GRAMD1A: variants seen among roughly 807,000 people sequenced by gnomAD.
The protein encoded by GRAMD1A is GRAM domain containing 1A, also known as protein Aster-A.
In GRAMD1A, 50 loss-of-function variants were observed where a neutral mutation model predicts 92.0. That is an observed-to-expected ratio of 0.54 (90% CI 0.43 to 0.69). The LOEUF is 0.69. GRAMD1A is among the 30% of genes least tolerant of loss of function. The probability of loss-of-function intolerance (pLI) is 0.00; values close to 1 mark genes in which losing one functional copy is unlikely to be tolerated. For synonymous variants in GRAMD1A, 405 were observed against 403.6 expected (o/e 1.00, Z -0.04); for missense variants, 819 against 978.9 (o/e 0.84, Z 2.18).
At position 35,000,580 on chromosome 19, in the gene GRAMD1A, G is replaced by A; in HGVS notation, c.8+94G>A. 2 of 944,614 alleles carry A rather than the reference G, an allele frequency of 2.1e-6. No individual in the cohort carries two copies. The highest frequency in any genetic ancestry group is 4.4e-5 in the South Asian group (1 of 22,768). The allele number at this position is 944,614 out of a possible 1,614,324, so 58.5% of individuals were successfully genotyped here. The stretch of plus-strand genomic sequence containing the variant: ...GCGGGCTTGGGGAGGGGGCGGAGCG[G>A]CCGCTGCAGAGGTCGGGGGCCTCTG... On this transcript the variant is annotated intron_variant, in intron 1 of 19. Transcript: ENST00000317991. The surrounding 1 kb of genome is among the most constrained non-coding windows in gnomAD (Gnocchi z 4.9).
At position 35,021,926 on chromosome 19, in the gene GRAMD1A, C is replaced by T. The variant is rs368284286; in HGVS notation, c.1754-25C>T. 23 of 1,612,954 alleles carry T rather than the reference C, an allele frequency of 1.4e-5. No homozygotes were observed. In the African/African-American group the frequency reaches 2.9e-4, roughly 21 times the overall value. Reference sequence around the variant, plus strand: ...GATCGGGGGTCCTGGACTGGGCCATCTGACTCCAAGCTGCTCTCCTGCAGG... The same window carrying T: ...GATCGGGGGTCCTGGACTGGGCCATTTGACTCCAAGCTGCTCTCCTGCAGG... On this transcript the variant is annotated intron_variant, in intron 15 of 19. Transcript: ENST00000317991. This position sits in a 1 kb window ranked among gnomAD's most constrained non-coding sequence, Gnocchi z 5.3.
intron 10 of GRAMD1A, chr19:35,015,022 G>A (rs926344872): frequency 6.4e-6 from 1 of 155,288 alleles, no homozygotes; most frequent in African/African-American, 2.4e-5. Flanking sequence ...TTAAAAATTA[G>A]CCAGGCATGG....
rs117720740 is a variant in GRAMD1A, at chr19:35,020,955, G to A, written c.1476-547G>A. Among the ~76,000 whole-genome samples the A allele has an allele frequency of 7.5e-3, 1,140 of 152,338 alleles. 7 individuals are homozygous for A. The highest frequency in any genetic ancestry group is 0.015 in the Admixed American group (227 of 15,294). ...AGAGTTTAGATTCTGGAGAGATTTT[G>A]CAGGTTTAGCTGACAGGATTTGCTG... On this transcript the variant is annotated intron_variant, in intron 13 of 19. Transcript: ENST00000317991.
At chr19:35,009,664 C>G (rs2015077892) in intron 3 of GRAMD1A, 1 of 640,282 alleles carries the variant, frequency 1.6e-6, no homozygotes, top group South Asian at 1.8e-5. Flanking sequence ...CCTTACAAGG[C>G]TGAAGGGAAC....
rs771113412 is a variant in GRAMD1A, at chr19:35,023,552, G to A, written c.2082+5G>A. On this transcript the variant is annotated splice_donor_5th_base_variant and intron_variant, in intron 19 of 19. Transcript: ENST00000317991. ...TCCGTGGAGCTCCTGGATGAGGTAG[G>A]AGGCGCCGCTCGGGCAGGGCTCGGG... The A allele has an allele frequency of 6.4e-6, 10 of 1,569,942 alleles. No homozygotes were observed. The highest frequency in any genetic ancestry group is 8.6e-6 in the Non-Finnish European group (10 of 1,162,492).
At chr19:34,995,944 G>A, upstream of GRAMD1A, 3 of 1,268,854 alleles carry the variant, frequency 2.4e-6, no homozygotes, top group Non-Finnish European at 3.2e-6. Flanking sequence ...AAGGTGGTAA[G>A]GGGGCTTAAG....
chr19:35,010,220 C>A, intron 5 of GRAMD1A, 25 bp downstream of exon 5: 1 of 1,596,900 alleles, frequency 6.3e-7, no homozygotes, highest in Non-Finnish European at 8.6e-7. Context: ...GGGCAGGGTA[C>A]AGGGGCGGGG....
rs1287711250 is a variant in GRAMD1A at position 35,013,096 on chromosome 19, G to A, written c.607-160G>A. 3.4e-6 allele frequency: 2 copies of A among 582,484 alleles called. No individual in the cohort carries two copies. Among genetic ancestry groups the A allele is most frequent in the Non-Finnish European group, 6.2e-6 (2 of 322,822 alleles). 36.1% of individuals were successfully genotyped at this position (582,484 alleles called of 1,614,324 possible). A position where few individuals can be genotyped will look rare whatever the true frequency, so the allele number is the denominator to read the frequency against. On this transcript the variant is annotated intron_variant, in intron 7 of 19. Coordinates refer to ENST00000317991, the MANE Select transcript of GRAMD1A (RefSeq NM_020895.5). This position sits in a 1 kb window ranked among gnomAD's most constrained non-coding sequence, Gnocchi z 4.9. Reference sequence around the variant, plus strand: ...CAGGCCCTGGAGGGGCTGTAGCAGGGGATTCCCCGCTTGCTGAGGCCAGGT... The same window carrying A: ...CAGGCCCTGGAGGGGCTGTAGCAGGAGATTCCCCGCTTGCTGAGGCCAGGT...
Position 35,026,251 on chromosome 19 carries a change from G to T in GRAMD1A, c.*110G>T, listed in dbSNP as rs562299381. ...CAGGCATCTCCCACCCGCCCCTCCC[G>T]ACGGCCCAACCAGGGGCTGTGCAGA... On this transcript the variant is annotated 3_prime_UTR_variant, in exon 20 of 20. Coordinates refer to ENST00000317991, the MANE Select transcript of GRAMD1A (RefSeq NM_020895.5). 4.0e-5 allele frequency: 26 copies of T among 651,802 alleles called. No homozygotes were observed. In the African/African-American group the frequency reaches 4.7e-4, roughly 12 times the overall value. 40.4% of individuals were successfully genotyped at this position (651,802 alleles called of 1,614,324 possible).
upstream of GRAMD1A, among the ~76,000 whole-genome samples, chr19:34,996,808 A>G (rs1024246852): frequency 1.3e-5 from 2 of 151,774 alleles, no homozygotes; most frequent in Admixed American, 1.3e-4. Context: ...TGTCTCAAAA[A>G]AAAAAAAAAA....
chr19:35,021,801 C>T lies in GRAMD1A; in HGVS notation c.1690C>T (p.His564Tyr), dbSNP rs550154589. The T allele has an allele frequency of 2.5e-6, 4 of 1,610,246 alleles. No homozygotes were observed. The African/African-American group carries it at 5.3e-5, about 21-fold the overall frequency. ...GAAGCGGCCCCTGAGCTGGCGGGCTCACGGGGACGGGCCCCAGCACCCAGA... is the reference window on the plus strand; with the variant it reads ...GAAGCGGCCCCTGAGCTGGCGGGCTTACGGGGACGGGCCCCAGCACCCAGA... The part of the protein sequence containing the change: ...RRKRPLSWRA[H>Y]GDGPQHPDPD... Residue 564 changes from histidine to tyrosine, a missense_variant, in exon 15 of 20, where the codon CAC (histidine) becomes TAC (tyrosine). Physicochemically the swap from His to Tyr is moderately conservative, Grantham distance 83 (BLOSUM62 2). Around this residue, in one of 3 missense-constraint regions of GRAMD1A, gnomAD observed 577 missense variants for 674.6 expected, o/e 0.86. Transcript: ENST00000317991. This position sits in a 1 kb window ranked among gnomAD's most constrained non-coding sequence, Gnocchi z 5.3.
intron 16 of GRAMD1A, among the ~76,000 whole-genome samples, 200 bp downstream of exon 16, chr19:35,022,238 G>C (rs2290644): frequency 0.18 from 27,602 of 151,400 alleles, 2,572 homozygotes; most frequent in African/African-American, 0.22. Flanking sequence ...CAGCAGAGCC[G>C]GGGGGGGCTA....
At chr19:35,016,810 C>G (rs565561112) in intron 11 of GRAMD1A, among the ~76,000 whole-genome samples, 2 of 148,046 alleles carry the variant, frequency 1.4e-5, no homozygotes, top group Non-Finnish European at 3.0e-5. Context: ...GAGGCTAAGG[C>G]AGGAGAATCA....
chr19:34,996,362 G>T (rs1390393020), upstream of GRAMD1A: 1 of 1,274,360 alleles, frequency 7.8e-7, no homozygotes, highest in East Asian at 2.6e-5. Flanking sequence ...TCAAGGGTGG[G>T]TTCCTTGTGG....
At position 35,021,475 on chromosome 19, in the gene GRAMD1A, C is replaced by T; in HGVS notation, c.1476-27C>T. On this transcript the variant is annotated intron_variant, in intron 13 of 19. Transcript: ENST00000317991. The surrounding 1 kb of genome is among the most constrained non-coding windows in gnomAD (Gnocchi z 5.3). ...GCCAGGGCTGGAGTCAGACCCTTAC[C>T]TCCTTCCCCTGATCTCCCAACCCCA... 1 of 1,558,130 alleles carries T rather than the reference C, an allele frequency of 6.4e-7. No homozygotes were observed. Among genetic ancestry groups the T allele is most frequent in the African/African-American group, 1.4e-5 (1 of 73,856 alleles).
At chr19:34,994,836 T>G (rs1285477920) in intron 1 of GRAMD1A, 4 of 152,284 alleles carry the variant, frequency 2.6e-5, no homozygotes, top group African/African-American at 7.2e-5. Flanking sequence ...GTAGGGGTAT[T>G]GGAGTACTCG....
At chr19:35,006,454 C>G (rs946575826) in intron 1 of GRAMD1A, among the ~76,000 whole-genome samples, 1 of 152,166 alleles carries the variant, frequency 6.6e-6, no homozygotes, top group Admixed American at 6.5e-5. Context: ...AGAAATAATA[C>G]GGTTAATCAT....
chr19:35,004,233 C>G (rs943570591), intron 1 of GRAMD1A, among the ~76,000 whole-genome samples: 1 of 152,014 alleles, frequency 6.6e-6, no homozygotes, highest in Non-Finnish European at 1.5e-5. Flanking sequence ...TGCCGTTAAC[C>G]ATGATTTTGC....
At chr19:35,017,349 G>A (rs1045610974) in intron 11 of GRAMD1A, among the ~76,000 whole-genome samples, 6 of 152,190 alleles carry the variant, frequency 3.9e-5, no homozygotes, top group African/African-American at 1.4e-4. Flanking sequence ...AGCCTGACAC[G>A]CCAGCCCTTT....
Sources: gnomAD v4.1 joint callset for allele counts (sites outside exome capture counted in the v4.1 genomes callset) on GRCh38, gnomAD v4.1.1 for gene constraint, gnomAD v4.1.1 regional missense constraint, Gnocchi (gnomAD v3.1) non-coding constraint, MANE v1.5 for transcripts, NCBI Gene and HGNC (gene_info 2026-07-23, HGNC 2026-07-21) for gene names.